BRINP3: variants seen among roughly 807,000 people sequenced by gnomAD.
BRINP3 encodes BMP/retinoic acid-inducible neural-specific protein 3.
In BRINP3, 19 loss-of-function variants were observed where a neutral mutation model predicts 71.0. That is an observed-to-expected ratio of 0.27 (90% CI 0.19 to 0.39). The LOEUF (loss-of-function observed/expected upper bound fraction) is 0.39. BRINP3 is among the 10% of genes least tolerant of loss of function. The pLI is 1.00. For missense variants in BRINP3, 959 were observed against 940.8 expected (o/e 1.02, Z -0.25); for synonymous variants, 380 against 337.7 (o/e 1.13, Z -1.37).
In BRINP3 at chr1:190,381,032, G is replaced by A. The variant is rs143145095; in HGVS notation, c.236+73623C>T. 2.1e-3 allele frequency among the ~76,000 whole-genome samples: 320 copies of A among 151,796 alleles called. 1 individual carries two copies. Among genetic ancestry groups the A allele is most frequent in the Middle Eastern group, 0.02 (6 of 294 alleles). ...AAAAATACTAGATGACTTCTTCAAG[G>A]TTACACTGATAAGTGATAGATTAAG... On this transcript the variant is annotated intron_variant, in intron 2 of 7. Transcript: ENST00000367462.
At chr1:190,266,690 A>G (rs1302569789) in intron 3 of BRINP3, among the ~76,000 whole-genome samples, 1 of 152,176 alleles carries the variant, frequency 6.6e-6, no homozygotes, top group Non-Finnish European at 1.5e-5. Flanking sequence ...GCATCTCAGA[A>G]TGACCAATGA....
In BRINP3 at chr1:190,473,573, A is replaced by G. The variant is rs1313615262; in HGVS notation, c.-51+3875T>C. On this transcript the variant is annotated intron_variant, in intron 1 of 7. Coordinates refer to ENST00000367462, the MANE Select transcript of BRINP3 (RefSeq NM_199051.3). ...TTTTTTTTTGCTTCACTGTGTGGAA[A>G]GTCCAGGCTCCTTCAACATGTTAGC... 2.7e-5 allele frequency among the ~76,000 whole-genome samples: 4 copies of G among 148,172 alleles called. No individual in the cohort carries two copies. In the South Asian group the frequency reaches 8.5e-4, roughly 31 times the overall value.
chr1:190,372,471 C>A (rs570453327), intron 2 of BRINP3, among the ~76,000 whole-genome samples: 36 of 152,246 alleles, frequency 2.4e-4, no homozygotes, highest in Non-Finnish European at 4.9e-4. Flanking sequence ...CAGGTTACAA[C>A]CCCATATAGT....
At chr1:190,468,423 G>A (rs903366263) in intron 1 of BRINP3, among the ~76,000 whole-genome samples, 1 of 151,040 alleles carries the variant, frequency 6.6e-6, no homozygotes, top group Non-Finnish European at 1.5e-5. Flanking sequence ...TTTTATTCTG[G>A]CCTATCTTAC....
At chr1:190,196,089 C>G (rs1654452895) in intron 6 of BRINP3, among the ~76,000 whole-genome samples, 1 of 152,082 alleles carries the variant, frequency 6.6e-6, no homozygotes, top group South Asian at 2.1e-4. Flanking sequence ...TTTTCAAAAC[C>G]AAGATTTATA....
At chr1:190,324,014 T>A (rs1226423233) in intron 2 of BRINP3, among the ~76,000 whole-genome samples, 2 of 152,080 alleles carry the variant, frequency 1.3e-5, no homozygotes, top group African/African-American at 4.8e-5. Flanking sequence ...TATCAATGAC[T>A]GCTTTTTGTC....
At chr1:190,446,974 A>G (rs190772575) in intron 2 of BRINP3, among the ~76,000 whole-genome samples, 40 of 152,118 alleles carry the variant, frequency 2.6e-4, no homozygotes, top group African/African-American at 8.7e-4. Flanking sequence ...AAAAGTGTAT[A>G]AAATTAAATA....
Position 190,423,385 on chromosome 1 carries a change from T to C in BRINP3, c.236+31270A>G, listed in dbSNP as rs528744691. Among the ~76,000 whole-genome samples the C allele has an allele frequency of 1.1e-3, 165 of 151,892 alleles. 5 individuals are homozygous for C. In the South Asian group the frequency reaches 0.022, roughly 20 times the overall value. On this transcript the variant is annotated intron_variant, in intron 2 of 7. Coordinates refer to ENST00000367462, the MANE Select transcript of BRINP3 (RefSeq NM_199051.3). Reference sequence around the variant, plus strand: ...CTAAGGCAGCCCCCAGTCCACAATTTTGACTTGAGTTTTCTGTTTATTTAC... The same window carrying C: ...CTAAGGCAGCCCCCAGTCCACAATTCTGACTTGAGTTTTCTGTTTATTTAC...
chr1:190,242,856 TA>T (rs1385555100), intron 4 of BRINP3, among the ~76,000 whole-genome samples: 1 of 152,098 alleles, frequency 6.6e-6, no homozygotes, highest in South Asian at 2.1e-4. Flanking sequence ...TACGTGAGAA[TA>T]ATACAAAAAA....
In BRINP3 at chr1:190,277,113, A is replaced by ATT. The variant is rs1553276690; in HGVS notation, c.427+4446_427+4447insAA. ...TATATATATATATATATATATATAT[A>ATT]TATATTTATATTCAGAAAAGAAAAC... On this transcript the variant is annotated intron_variant, in intron 3 of 7. Coordinates refer to ENST00000367462, the MANE Select transcript of BRINP3 (RefSeq NM_199051.3). Among the ~76,000 whole-genome samples, 28 of 107,488 alleles carry ATT rather than the reference A, an allele frequency of 2.6e-4. 2 individuals are homozygous for ATT. The South Asian group carries it at 4.6e-3, about 18-fold the overall frequency. The allele number at this position is 107,488 out of a possible 152,430, so 70.5% of individuals were successfully genotyped here.
At chr1:190,244,141 T>C (rs1343159826) in intron 4 of BRINP3, among the ~76,000 whole-genome samples, 1 of 152,018 alleles carries the variant, frequency 6.6e-6, no homozygotes, top group East Asian at 1.9e-4. Context: ...CTGAAACCAT[T>C]CCCTCCACTA....
intron 2 of BRINP3, among the ~76,000 whole-genome samples, chr1:190,345,505 A>T (rs1462788516): frequency 6.6e-6 from 1 of 151,594 alleles, no homozygotes; most frequent in Non-Finnish European, 1.5e-5. Flanking sequence ...TAGTAATATT[A>T]GTCATATATA....
intron 4 of BRINP3, among the ~76,000 whole-genome samples, chr1:190,248,189 C>T (rs758764958): frequency 1.8e-4 from 28 of 151,766 alleles, no homozygotes; most frequent in South Asian, 2.1e-4. Flanking sequence ...CTATTAGATT[C>T]GTGCAAACGT....
At chr1:190,128,886 T>TA (rs1391124126) in intron 7 of BRINP3, among the ~76,000 whole-genome samples, 1 of 151,760 alleles carries the variant, frequency 6.6e-6, no homozygotes, top group African/African-American at 2.4e-5. Flanking sequence ...AAGCTTGACT[T>TA]ACACTAGATC....
At chr1:190,220,070 G>C (rs190332875) in intron 6 of BRINP3, among the ~76,000 whole-genome samples, 1 of 151,886 alleles carries the variant, frequency 6.6e-6, no homozygotes, top group Non-Finnish European at 1.5e-5. Flanking sequence ...ACTGTGCAAA[G>C]CTTGAGAAAT....
chr1:190,439,020 G>A (rs1038823696), intron 2 of BRINP3, among the ~76,000 whole-genome samples: 4 of 151,840 alleles, frequency 2.6e-5, no homozygotes, highest in African/African-American at 9.7e-5. Flanking sequence ...GCTCTTTTCT[G>A]ATTTAAGTTT....
At chr1:190,337,395 AT>A (rs1429033459) in intron 2 of BRINP3, among the ~76,000 whole-genome samples, 6 of 152,016 alleles carry the variant, frequency 3.9e-5, no homozygotes, top group Non-Finnish European at 5.9e-5. Context: ...GGGGATTAAT[AT>A]TTGAGTCACT....
At chr1:190,326,326 A>G (rs530558281) in intron 2 of BRINP3, among the ~76,000 whole-genome samples, 1 of 152,178 alleles carries the variant, frequency 6.6e-6, no homozygotes, top group Non-Finnish European at 1.5e-5. Context: ...CATTCCTGAG[A>G]GAGAAGGAGA....
chr1:190,213,861 G>C (rs1656190309), intron 6 of BRINP3, among the ~76,000 whole-genome samples: 1 of 151,994 alleles, frequency 6.6e-6, no homozygotes, highest in Non-Finnish European at 1.5e-5. Flanking sequence ...ACTAAACTCA[G>C]TCAAAAGATC....
Sources: allele counts gnomAD v4.1 joint callset (sites outside exome capture counted in the v4.1 genomes callset), GRCh38; gene constraint gnomAD v4.1.1; transcripts MANE v1.5; gene names NCBI Gene and HGNC (gene_info 2026-07-23, HGNC 2026-07-21).